Variants in CDK19 observed in about 807,000 individuals in gnomAD.
The protein encoded by CDK19 is cyclin dependent kinase 19.
Under a neutral mutation model 68.3 loss-of-function variants are expected in CDK19, and 20 were observed. That is an observed-to-expected ratio of 0.29 (90% CI 0.21 to 0.43). CDK19 has a LOEUF of 0.43. CDK19 is among the 20% of genes least tolerant of loss of function. The pLI, the probability that CDK19 is intolerant of heterozygous loss-of-function variation, is 1.00. For synonymous variants in CDK19, 221 were observed against 222.8 expected, an observed-to-expected ratio of 0.99 and a Z score of 0.07; for missense variants, 339 against 623.5, an observed-to-expected ratio of 0.54 and a Z score of 4.86.
At chr6:110,764,285 C>G (rs878944575) in intron 1 of CDK19, among the ~76,000 whole-genome samples, 1 of 151,974 alleles carries the variant, frequency 6.6e-6, no homozygotes, top group Admixed American at 6.6e-5. Flanking sequence ...GACAAAAGAC[C>G]CAGAATAACC....
At chr6:110,683,030 G>A (rs1191552736) in intron 2 of CDK19, among the ~76,000 whole-genome samples, 1 of 151,840 alleles carries the variant, frequency 6.6e-6, no homozygotes, top group Middle Eastern at 3.4e-3. Flanking sequence ...ACAAAAATTA[G>A]CCAGGCATGG....
At chr6:110,649,185 A>G (rs1341078181) in intron 4 of CDK19, among the ~76,000 whole-genome samples, 1 of 152,120 alleles carries the variant, frequency 6.6e-6, no homozygotes, top group Non-Finnish European at 1.5e-5. Flanking sequence ...CTATGGAACA[A>G]ATTGATCAGT....
At chr6:110,802,796 T>C (rs192880217) in intron 1 of CDK19, among the ~76,000 whole-genome samples, 1 of 152,248 alleles carries the variant, frequency 6.6e-6, no homozygotes, top group Non-Finnish European at 1.5e-5. Flanking sequence ...AAGTATTTAC[T>C]AGAAACAAAT....
At chr6:110,673,179 A>C (rs934102945) in intron 2 of CDK19, among the ~76,000 whole-genome samples, 3 of 152,200 alleles carry the variant, frequency 2.0e-5, no homozygotes, top group Non-Finnish European at 4.4e-5. Context: ...TGTAGCTCAT[A>C]TAAGTGGAAC....
At chr6:110,720,862 T>G (rs58420063) in intron 2 of CDK19, among the ~76,000 whole-genome samples, 2,721 of 139,410 alleles carry the variant, frequency 0.02, 92 homozygotes, top group African/African-American at 0.069. Context: ...GGCTAGACTC[T>G]GTCTCAAAAA....
rs975122957 is a variant in CDK19, at chr6:110,610,432, A to C, written c.*4103T>G. On this transcript the variant is annotated 3_prime_UTR_variant, in exon 13 of 13. Coordinates refer to ENST00000368911, the MANE Select transcript of CDK19 (RefSeq NM_015076.5). ...CACAGACAAATCTTTAAAAAAATTA[A>C]ATAGTATTAATTTACTAAATATTTA... 3 of 152,610 alleles carry C rather than the reference A, an allele frequency of 2.0e-5. No homozygotes were observed. The highest frequency in any genetic ancestry group is 4.4e-5 in the Non-Finnish European group (3 of 68,044). The allele number at this position is 152,610 out of a possible 1,614,324, so 9.5% of individuals were successfully genotyped here. A position where few individuals can be genotyped will look rare whatever the true frequency, so the allele number is the denominator to read the frequency against.
At chr6:110,745,926 G>A (rs3021288) in intron 2 of CDK19, among the ~76,000 whole-genome samples, 200 bp downstream of exon 2, 99,085 of 151,978 alleles carry the variant, frequency 0.65, 33,976 homozygotes, top group Admixed American at 0.8. Flanking sequence ...TCCAGCCTGG[G>A]CAACAAAATG....
upstream of CDK19, chr6:110,815,497 T>A: frequency 5.7e-6 from 1 of 174,318 alleles, no homozygotes; most frequent in Admixed American, 6.3e-5. Context: ...CGGAGGCTCC[T>A]GGGAAATGAA....
At chr6:110,691,456 AGT>A (rs1246801164) in intron 2 of CDK19, among the ~76,000 whole-genome samples, 1 of 151,036 alleles carries the variant, frequency 6.6e-6, no homozygotes, top group Non-Finnish European at 1.5e-5. Flanking sequence ...CCTGGGCGAC[AGT>A]GCAAGACTCC....
chr6:110,642,125 A>AC (rs1780232337), intron 4 of CDK19, among the ~76,000 whole-genome samples: 1 of 151,888 alleles, frequency 6.6e-6, no homozygotes, highest in South Asian at 2.1e-4. Context: ...ACATGGTGAA[A>AC]CCCCGTCTCT....
chr6:110,759,428 A>AATATATATATATATATATATATATAT (rs34490988), intron 1 of CDK19, among the ~76,000 whole-genome samples: 2 of 50,904 alleles, frequency 3.9e-5, no homozygotes, highest in African/African-American at 1.7e-4. Context: ...AAAAAAAAAA[A>AATATATATATATATATATATATATAT]ATATATATAT....
intron 2 of CDK19, among the ~76,000 whole-genome samples, chr6:110,711,684 TG>T (rs111614313): frequency 0.047 from 7,217 of 152,334 alleles, 177 homozygotes; most frequent in Middle Eastern, 0.078. Context: ...TAGATTACAA[TG>T]GGTTGGGCAC....
At position 110,699,912 on chromosome 6, in the gene CDK19, T is replaced by C. The variant is rs182699797; in HGVS notation, c.205-29371A>G. ...GCAGGGGTCCCTAACCCCTGGGCCA[T>C]GGACCCATACTGGCTCATGGCCTGT... is the stretch of plus-strand genomic sequence containing the variant. On this transcript the variant is annotated intron_variant, in intron 2 of 12. Transcript: ENST00000368911. Among the ~76,000 whole-genome samples the C allele has an allele frequency of 3.7e-3, 567 of 152,316 alleles. 4 individuals carry two copies. The highest frequency in any genetic ancestry group is 5.2e-3 in the Non-Finnish European group (351 of 68,020).
At chr6:110,755,112 C>T (rs1778749135) in intron 1 of CDK19, among the ~76,000 whole-genome samples, 1 of 149,346 alleles carries the variant, frequency 6.7e-6, no homozygotes, top group Non-Finnish European at 1.5e-5. Flanking sequence ...ACAATCTCAA[C>T]TCACTACAAC....
chr6:110,770,399 G>A (rs1779931193), intron 1 of CDK19, among the ~76,000 whole-genome samples: 1 of 152,194 alleles, frequency 6.6e-6, no homozygotes, highest in Non-Finnish European at 1.5e-5. Context: ...GAGAAAATGA[G>A]AAGGATGCAA....
chr6:110,785,377 T>A (rs1212921868), intron 1 of CDK19, among the ~76,000 whole-genome samples: 1 of 152,210 alleles, frequency 6.6e-6, no homozygotes, highest in Admixed American at 6.5e-5. Flanking sequence ...TACTGTTGAC[T>A]GGAAACCTCA....
chr6:110,676,773 A>T (rs1036091427), intron 2 of CDK19, among the ~76,000 whole-genome samples: 2 of 152,258 alleles, frequency 1.3e-5, no homozygotes, highest in African/African-American at 2.4e-5. Flanking sequence ...TTTATACTGT[A>T]AACTATAGTA....
At chr6:110,762,996 G>A (rs538044550) in intron 1 of CDK19, among the ~76,000 whole-genome samples, 23 of 152,186 alleles carry the variant, frequency 1.5e-4, no homozygotes, top group Non-Finnish European at 2.9e-5. Context: ...GAGGTTTACA[G>A]TAAGAGTCTA....
intron 1 of CDK19, among the ~76,000 whole-genome samples, chr6:110,796,067 G>A (rs1202810811): frequency 2.6e-5 from 4 of 152,192 alleles, no homozygotes; most frequent in South Asian, 2.1e-4. Context: ...TGCTGGGCAC[G>A]GTGGCTCACG....
Sources: allele counts gnomAD v4.1 joint callset (sites outside exome capture counted in the v4.1 genomes callset), GRCh38; gene constraint gnomAD v4.1.1; transcripts MANE v1.5; gene names NCBI Gene and HGNC (gene_info 2026-07-23, HGNC 2026-07-21).